Variants in ALMS1 observed in about 807,000 individuals in gnomAD.
ALMS1 encodes centrosome-associated protein ALMS1.
In ALMS1, 271 loss-of-function variants were observed where a neutral mutation model predicts 352.2. That is an observed-to-expected ratio of 0.77 (90% CI 0.70 to 0.85). The LOEUF (loss-of-function observed/expected upper bound fraction) is 0.85, where lower values mean the gene tolerates loss of function less well. Ranked by LOEUF, ALMS1 falls within the 40% of genes least tolerant of loss-of-function variation. The pLI, the probability that ALMS1 is intolerant of heterozygous loss-of-function variation, is 0.00. For missense variants in ALMS1, 5,445 were observed against 4,870.7 expected, an observed-to-expected ratio of 1.12 and a Z score of -3.51; for synonymous variants, 1,865 against 1,761.2, an observed-to-expected ratio of 1.06 and a Z score of -1.48.
intron 16 of ALMS1, among the ~76,000 whole-genome samples, chr2:73,584,977 G>A (rs1290588260): frequency 6.6e-6 from 1 of 152,156 alleles, no homozygotes; most frequent in Non-Finnish European, 1.5e-5. Flanking sequence ...TTATGGCTGA[G>A]TAGTATTCCA....
chr2:73,476,417 A>C (rs1165163157), intron 9 of ALMS1, among the ~76,000 whole-genome samples: 1 of 152,076 alleles, frequency 6.6e-6, no homozygotes, highest in Non-Finnish European at 1.5e-5. Flanking sequence ...ACAGACCCAA[A>C]AGTGGAATTC....
chr2:73,388,924 T>G (rs998280875), intron 1 of ALMS1, among the ~76,000 whole-genome samples: 3 of 152,138 alleles, frequency 2.0e-5, no homozygotes, highest in African/African-American at 7.2e-5. Context: ...GATGTCTTTT[T>G]GATGAAATGA....
At chr2:73,392,884 A>T (rs1670679307) in intron 1 of ALMS1, among the ~76,000 whole-genome samples, 1 of 152,200 alleles carries the variant, frequency 6.6e-6, no homozygotes, top group African/African-American at 2.4e-5. Context: ...TTTTTGGGAC[A>T]TATGGAATTC....
chr2:73,501,225 C>A (rs1026957403), intron 10 of ALMS1, among the ~76,000 whole-genome samples: 11 of 151,872 alleles, frequency 7.2e-5, no homozygotes, highest in African/African-American at 2.7e-4. Flanking sequence ...AGATACAAAT[C>A]CTCTGTGTAT....
At chr2:73,521,846 A>G (rs1673687136) in intron 11 of ALMS1, among the ~76,000 whole-genome samples, 1 of 152,244 alleles carries the variant, frequency 6.6e-6, no homozygotes, top group African/African-American at 2.4e-5. Flanking sequence ...CTTTTTATCA[A>G]AGAATCGATA....
chr2:73,573,493 A>G, intron 16 of ALMS1, 69 bp downstream of exon 16: 1 of 1,537,356 alleles, frequency 6.5e-7, no homozygotes, highest in South Asian at 1.2e-5. Flanking sequence ...TAAGCTTTGC[A>G]CACAGGTGAA....
At chr2:73,582,061 C>T (rs1675194973) in intron 16 of ALMS1, among the ~76,000 whole-genome samples, 1 of 152,132 alleles carries the variant, frequency 6.6e-6, no homozygotes, top group Admixed American at 6.5e-5. Context: ...TTTTTAATAT[C>T]TTTGCCTTTG....
At chr2:73,422,157 T>C (rs1216574235) in intron 3 of ALMS1, among the ~76,000 whole-genome samples, 2 of 152,134 alleles carry the variant, frequency 1.3e-5, no homozygotes, top group Admixed American at 6.6e-5. Context: ...ACTTTTCCAA[T>C]ACAAAAATGT....
chr2:73,601,095 C>G, intron 18 of ALMS1, 100 bp from the exon 19 acceptor site: 2 of 1,574,934 alleles, frequency 1.3e-6, no homozygotes, highest in Non-Finnish European at 1.7e-6. Context: ...ACAGCTGAGA[C>G]CCCTGAGAAC....
At position 73,572,576 on chromosome 2, in the gene ALMS1, G is replaced by A; in HGVS notation, c.10699G>A (p.Val3567Ile). Residue 3567 changes from valine to isoleucine, a missense_variant, in exon 16 of 23, where the codon GTT (valine) becomes ATT (isoleucine). By Grantham distance (29) the Val-to-Ile change is conservative. Transcript: ENST00000613296. ...KEVMDTTKSQ[V>I]RDYPKHNGQI... is the part of the protein sequence containing the mutation. ...AGTGATGGATACTACTAAAAGTCAA[G>A]TTAGAGATTATCCAAAACATAATGG... 4 of 1,613,862 alleles carry A rather than the reference G, an allele frequency of 2.5e-6. No homozygotes were observed. The highest frequency in any genetic ancestry group is 3.4e-6 in the Non-Finnish European group (4 of 1,179,978).
In ALMS1 at chr2:73,572,888, A is replaced by T. The variant is rs1674969714; in HGVS notation, c.11011A>T (p.Asn3671Tyr). Reference sequence around the variant, plus strand: ...ATGGAGTGGTAGACAACAGCAGAGAAATAAGCTTCAGAAAAAGAAGCGGTT... The same window carrying T: ...ATGGAGTGGTAGACAACAGCAGAGATATAAGCTTCAGAAAAAGAAGCGGTT... ...KEWSGRQQQR[N>Y]KLQKKKRFKS... Residue 3671 changes from asparagine to tyrosine, a missense_variant, in exon 16 of 23, where the codon AAT (asparagine) becomes TAT (tyrosine). Asn to Tyr is a moderately radical substitution (Grantham distance 143, BLOSUM62 -2). Transcript: ENST00000613296. 6.2e-7 allele frequency: 1 copy of T among 1,614,018 alleles called. No individual in the cohort carries two copies. The highest frequency in any genetic ancestry group is 8.5e-7 in the Non-Finnish European group (1 of 1,180,006).
At chr2:73,401,373 T>C (rs1343156091) in intron 1 of ALMS1, among the ~76,000 whole-genome samples, 2 of 152,210 alleles carry the variant, frequency 1.3e-5, no homozygotes, top group Non-Finnish European at 2.9e-5. Flanking sequence ...GTTATAAATT[T>C]CCCAGTAAGC....
At chr2:73,495,394 C>G (rs1305920800) in intron 10 of ALMS1, among the ~76,000 whole-genome samples, 1 of 152,020 alleles carries the variant, frequency 6.6e-6, no homozygotes, top group Non-Finnish European at 1.5e-5. Context: ...ACCACCAAAC[C>G]CAGCTAATTT....
rs184740165 is a variant in ALMS1 at position 73,516,338 on chromosome 2, A to G, written c.9540-3437A>G. On this transcript the variant is annotated intron_variant, in intron 10 of 22. Transcript: ENST00000613296. ...TGCAGAAGAAAGGGAAGGCTTGTAC[A>G]CTGTTGGTGGGAACATAACATAGTT... Among the ~76,000 whole-genome samples the G allele has an allele frequency of 2.6e-5, 4 of 152,322 alleles. No homozygotes were observed. The East Asian group carries it at 7.7e-4, about 29-fold the overall frequency.
chr2:73,397,272 G>T (rs1482795409), intron 1 of ALMS1, among the ~76,000 whole-genome samples: 1 of 152,080 alleles, frequency 6.6e-6, no homozygotes, highest in Non-Finnish European at 1.5e-5. Flanking sequence ...TTCTGCTCTG[G>T]TAAGTTGTGA....
intron 10 of ALMS1, among the ~76,000 whole-genome samples, chr2:73,514,986 T>C (rs1415853154): frequency 6.6e-6 from 1 of 152,196 alleles, no homozygotes; most frequent in African/African-American, 2.4e-5. Flanking sequence ...TTAAGTCTTC[T>C]ACCTGTTTTG....
chr2:73,489,598 A>G (rs779765413), intron 9 of ALMS1, 36 bp from the exon 10 acceptor site: 5 of 1,611,826 alleles, frequency 3.1e-6, no homozygotes, highest in Non-Finnish European at 4.2e-6. Flanking sequence ...TACTTGGACT[A>G]CTTCAAATAA....
chr2:73,520,519 T>A (rs1000500593), intron 11 of ALMS1, among the ~76,000 whole-genome samples: 2 of 152,248 alleles, frequency 1.3e-5, no homozygotes, highest in Admixed American at 1.3e-4. Context: ...GTCTTCTTGC[T>A]CTGTTTTCTT....
intron 10 of ALMS1, among the ~76,000 whole-genome samples, chr2:73,500,295 A>T (rs2103917836): frequency 6.6e-6 from 1 of 152,166 alleles, no homozygotes; most frequent in East Asian, 1.9e-4. Context: ...TCAGTTTTCA[A>T]AGATTTTGCA....
Sources: allele counts gnomAD v4.1 joint callset (sites outside exome capture counted in the v4.1 genomes callset), GRCh38; gene constraint gnomAD v4.1.1; transcripts MANE v1.5; gene names NCBI Gene and HGNC (gene_info 2026-07-23, HGNC 2026-07-21).